The following PDE4B variants were observed in gnomAD, a reference collection of about 807,000 sequenced individuals.
PDE4B encodes the protein 3',5'-cyclic-AMP phosphodiesterase 4B.
A neutral mutation model predicts 82.2 loss-of-function variants in PDE4B; 20 were observed. The observed-to-expected ratio is 0.24, with a 90% CI of 0.17 to 0.35. PDE4B has a LOEUF of 0.35. Ranked by LOEUF, PDE4B falls within the 10% of genes least tolerant of loss-of-function variation. PDE4B has a pLI of 1.00. For synonymous variants in PDE4B, 320 were observed against 318.9 expected (o/e 1.00, Z -0.04); for missense variants, 655 against 907.2 (o/e 0.72, Z 3.57).
At chr1:65,875,809 G>A (rs1412374189) in intron 1 of PDE4B, among the ~76,000 whole-genome samples, 1 of 122,358 alleles carries the variant, frequency 8.2e-6, no homozygotes, top group Non-Finnish European at 1.7e-5. Flanking sequence ...GGTGGGGTGG[G>A]GGGAGGGGGG....
At chr1:66,174,441 T>C (rs1176796068) in intron 3 of PDE4B, among the ~76,000 whole-genome samples, 1 of 152,136 alleles carries the variant, frequency 6.6e-6, no homozygotes, top group African/African-American at 2.4e-5. Flanking sequence ...CCTACTATAT[T>C]CATCCATTCT....
intron 8 of PDE4B, among the ~76,000 whole-genome samples, chr1:66,353,613 G>C (rs1557721634): frequency 6.6e-6 from 1 of 152,032 alleles, no homozygotes; most frequent in Non-Finnish European, 1.5e-5. Context: ...GATGAGGAGG[G>C]AAATGGGGTG....
chr1:66,021,867 A>T (rs1471627405), intron 3 of PDE4B, among the ~76,000 whole-genome samples: 4 of 152,152 alleles, frequency 2.6e-5, no homozygotes, highest in Non-Finnish European at 5.9e-5. Flanking sequence ...TGGTAGCTTG[A>T]TGGGGATGGC....
At chr1:65,962,069 C>T (rs1649569941) in intron 3 of PDE4B, among the ~76,000 whole-genome samples, 1 of 152,076 alleles carries the variant, frequency 6.6e-6, no homozygotes, top group Non-Finnish European at 1.5e-5. Flanking sequence ...ATAGCTTAGC[C>T]CAGCTTACCT....
intron 3 of PDE4B, among the ~76,000 whole-genome samples, chr1:66,166,311 A>C (rs1263152149): frequency 6.6e-6 from 1 of 152,252 alleles, no homozygotes; most frequent in Non-Finnish European, 1.5e-5. Flanking sequence ...ACAGGAGTAA[A>C]TATTCATGAC....
At chr1:66,226,111 C>T (rs1651432055) in intron 3 of PDE4B, among the ~76,000 whole-genome samples, 1 of 152,222 alleles carries the variant, frequency 6.6e-6, no homozygotes, top group African/African-American at 2.4e-5. Flanking sequence ...ATTTGTCTAG[C>T]AAAATGCTTT....
chr1:66,168,171 C>T (rs533955852), intron 3 of PDE4B, among the ~76,000 whole-genome samples: 1 of 152,264 alleles, frequency 6.6e-6, no homozygotes, highest in East Asian at 1.9e-4. Context: ...TAAATTAATT[C>T]ATTTTTCAAC....
intron 9 of PDE4B, among the ~76,000 whole-genome samples, chr1:66,357,250 T>G (rs1662327505): frequency 6.6e-6 from 1 of 152,224 alleles, no homozygotes; most frequent in South Asian, 2.1e-4. Context: ...CATCCAAGAC[T>G]GGACCTAAGC....
chr1:66,129,621 C>T (rs1645894663), intron 3 of PDE4B, among the ~76,000 whole-genome samples: 2 of 137,558 alleles, frequency 1.5e-5, no homozygotes, highest in South Asian at 4.6e-4. Context: ...GATCCCGCCA[C>T]TGCACTCCAG....
chr1:66,187,534 A>G (rs1323664657), intron 3 of PDE4B, among the ~76,000 whole-genome samples: 2 of 152,244 alleles, frequency 1.3e-5, no homozygotes, highest in Admixed American at 1.3e-4. Flanking sequence ...CTATTCAAAG[A>G]TTTAACTTCT....
chr1:66,361,571 CAT>C, intron 9 of PDE4B, 42 bp from the exon 10 acceptor site: 1 of 1,518,626 alleles, frequency 6.6e-7, no homozygotes, highest in Non-Finnish European at 9.0e-7. Flanking sequence ...AGTGGATTCT[CAT>C]AGACACATGT....
At chr1:66,180,253 T>C (rs967698427) in intron 3 of PDE4B, among the ~76,000 whole-genome samples, 1 of 152,184 alleles carries the variant, frequency 6.6e-6, no homozygotes, top group Non-Finnish European at 1.5e-5. Flanking sequence ...GCAGAAAATA[T>C]GTGAACATGT....
chr1:66,228,381 T>C (rs1233847949), intron 3 of PDE4B, among the ~76,000 whole-genome samples: 2 of 152,084 alleles, frequency 1.3e-5, no homozygotes, highest in Non-Finnish European at 2.9e-5. Context: ...TCATGCAACT[T>C]TGGGAGGCCA....
At chr1:65,906,831 C>T (rs1647032772) in intron 1 of PDE4B, among the ~76,000 whole-genome samples, 1 of 152,108 alleles carries the variant, frequency 6.6e-6, no homozygotes, top group Non-Finnish European at 1.5e-5. Flanking sequence ...ACATGTTTTA[C>T]TCAAAGCAGC....
chr1:66,360,796 T>G (rs1662699563), intron 9 of PDE4B: 1 of 152,042 alleles, frequency 6.6e-6, no homozygotes, highest in Admixed American at 6.6e-5. Context: ...GGTAGGCACT[T>G]TTTTTTTCAC....
chr1:66,073,181 CA>C (rs1212257740), intron 3 of PDE4B, among the ~76,000 whole-genome samples: 1 of 152,044 alleles, frequency 6.6e-6, no homozygotes, highest in Admixed American at 6.6e-5. Flanking sequence ...TTGGTGCGCC[CA>C]ACAGATTGAA....
At chr1:66,265,902 C>G (rs942664473) in intron 6 of PDE4B, 136 bp from the exon 7 acceptor site, 14 of 677,544 alleles carry the variant, frequency 2.1e-5, no homozygotes, top group East Asian at 1.6e-4. Flanking sequence ...AGCTTGCCTT[C>G]CGGAGATGGC....
chr1:66,037,065 G>A (rs1048905835), intron 3 of PDE4B, among the ~76,000 whole-genome samples: 70 of 150,840 alleles, frequency 4.6e-4, no homozygotes, highest in Non-Finnish European at 2.4e-4. Flanking sequence ...CCTGGGAGGT[G>A]GAGGTTGCAG....
intron 7 of PDE4B, among the ~76,000 whole-genome samples, chr1:66,279,256 A>G (rs967695739): frequency 1.3e-5 from 2 of 151,934 alleles, no homozygotes; most frequent in African/African-American, 2.4e-5. Context: ...TTCCTTCATT[A>G]TTTGTCAGGT....
Sources: allele counts gnomAD v4.1 joint callset (sites outside exome capture counted in the v4.1 genomes callset), GRCh38; gene constraint gnomAD v4.1.1; transcripts MANE v1.5; gene names NCBI Gene and HGNC (gene_info 2026-07-23, HGNC 2026-07-21).